Variants in HADHB observed in about 807,000 individuals in gnomAD.
The protein encoded by HADHB is trifunctional enzyme subunit beta, mitochondrial.
In HADHB, 50 loss-of-function variants were observed where a neutral mutation model predicts 61.9. The observed-to-expected ratio is 0.81, with a 90% confidence interval of 0.64 to 1.02. HADHB has a LOEUF of 1.02. HADHB is among the 50% of genes least tolerant of loss of function. The pLI is 0.00. For synonymous variants in HADHB, 191 were observed against 201.6 expected (o/e 0.95, Z 0.45); for missense variants, 504 against 586.5 (o/e 0.86, Z 1.45).
At chr2:26,248,843 G>A (rs1574636960) in intron 1 of HADHB, among the ~76,000 whole-genome samples, 1 of 152,084 alleles carries the variant, frequency 6.6e-6, no homozygotes, top group East Asian at 1.9e-4. Flanking sequence ...GATCACCTGA[G>A]GTCAGGAGTT....
At chr2:26,259,309 T>A (rs1041178735) in intron 3 of HADHB, among the ~76,000 whole-genome samples, 6 of 152,196 alleles carry the variant, frequency 3.9e-5, no homozygotes, top group Admixed American at 1.3e-4. Context: ...GTGGCCAAAG[T>A]GCAGCAGCCC....
At chr2:26,282,251 CTTTT>C (rs67626722) in intron 10 of HADHB, among the ~76,000 whole-genome samples, 10 of 106,864 alleles carry the variant, frequency 9.4e-5, no homozygotes, top group East Asian at 2.5e-4. Context: ...GCAGTTCTTT[CTTTT>C]TTTTTTTTTT....
At chr2:26,266,483 GGGCA>G (rs1672080969) in intron 4 of HADHB, among the ~76,000 whole-genome samples, 1 of 152,076 alleles carries the variant, frequency 6.6e-6, no homozygotes, top group Non-Finnish European at 1.5e-5. Flanking sequence ...TTATGGGTAG[GGGCA>G]TTTGGGAAGC....
In HADHB at chr2:26,273,585, G is replaced by A. The variant is rs1672431636; in HGVS notation, c.255-66G>A. The A allele has an allele frequency of 4.6e-6, 4 of 862,646 alleles. No individual in the cohort carries two copies. In the East Asian group the frequency reaches 9.7e-5, roughly 21 times the overall value. The allele number at this position is 862,646 out of a possible 1,614,324, so 53.4% of individuals were successfully genotyped here. On this transcript the variant is annotated intron_variant, in intron 5 of 15. Coordinates refer to ENST00000317799, the MANE Select transcript of HADHB (RefSeq NM_000183.3). ...CCTTTTTCAAGGAGCGCAGTGTTTT[G>A]TGTGATGATCTCTGGCACTGCCTTG... is the stretch of plus-strand genomic sequence containing the variant.
intron 10 of HADHB, among the ~76,000 whole-genome samples, chr2:26,280,480 A>G (rs1025492413): frequency 3.9e-5 from 6 of 152,230 alleles, no homozygotes; most frequent in Non-Finnish European, 8.8e-5. Flanking sequence ...GGGGACAGTC[A>G]GAGAGTCTTC....
chr2:26,248,344 C>G (rs193213266), intron 1 of HADHB, among the ~76,000 whole-genome samples: 1 of 151,898 alleles, frequency 6.6e-6, no homozygotes, highest in African/African-American at 2.4e-5. Flanking sequence ...TACGGTTTTC[C>G]ACAAATATAA....
chr2:26,271,530 C>T (rs1672348425), intron 5 of HADHB, among the ~76,000 whole-genome samples: 1 of 151,694 alleles, frequency 6.6e-6, no homozygotes, highest in Admixed American at 6.6e-5. Flanking sequence ...TAAAAAACCA[C>T]ACACACACAC....
At chr2:26,262,328 A>G (rs781439788) in intron 3 of HADHB, among the ~76,000 whole-genome samples, 30 of 152,234 alleles carry the variant, frequency 2.0e-4, no homozygotes, top group Non-Finnish European at 3.7e-4. Flanking sequence ...CTAACATGGA[A>G]TGTTCTTCGA....
At chr2:26,277,235 T>TAA in intron 7 of HADHB, 75 bp downstream of exon 7, 1 of 147,842 alleles carries the variant, frequency 6.8e-6, no homozygotes, top group Non-Finnish European at 1.3e-5. Context: ...AAAATGTACT[T>TAA]TTTTTTTTTT....
intron 15 of HADHB, among the ~76,000 whole-genome samples, chr2:26,287,009 GC>G (rs1673063663): frequency 6.6e-6 from 1 of 151,564 alleles, no homozygotes; most frequent in Non-Finnish European, 1.5e-5. Flanking sequence ...TTCGAGACCA[GC>G]CTGGCCAACA....
At chr2:26,276,000 G>A (rs1672520365) in intron 6 of HADHB, among the ~76,000 whole-genome samples, 1 of 152,166 alleles carries the variant, frequency 6.6e-6, no homozygotes, top group Non-Finnish European at 1.5e-5. Context: ...TAAATATTGT[G>A]TGGGTGTGTA....
chr2:26,260,494 T>C (rs1671816810), intron 3 of HADHB: 1 of 156,312 alleles, frequency 6.4e-6, no homozygotes, highest in African/African-American at 2.4e-5. Context: ...GTTTTCTGTC[T>C]GCTCAAATAA....
chr2:26,260,141 G>C (rs1440014347), intron 3 of HADHB, among the ~76,000 whole-genome samples: 1 of 150,032 alleles, frequency 6.7e-6, no homozygotes, highest in Non-Finnish European at 1.5e-5. Flanking sequence ...GAGTGCAGTG[G>C]CATGATCTCA....
chr2:26,274,989 A>G (rs1672486251), intron 6 of HADHB, among the ~76,000 whole-genome samples: 1 of 152,190 alleles, frequency 6.6e-6, no homozygotes. Context: ...TGGAAATTTT[A>G]CATCCATTTG....
chr2:26,259,958 T>A (rs1411804165), intron 3 of HADHB, among the ~76,000 whole-genome samples: 1 of 152,218 alleles, frequency 6.6e-6, no homozygotes, highest in Non-Finnish European at 1.5e-5. Flanking sequence ...TCTTGTTCTA[T>A]TTTGAGAAGT....
intron 1 of HADHB, among the ~76,000 whole-genome samples, chr2:26,251,775 G>A (rs1039323540): frequency 3.3e-5 from 5 of 151,940 alleles, no homozygotes; most frequent in African/African-American, 7.2e-5. Context: ...TTTTCTTTTC[G>A]GAAGCTATAG....
In HADHB at chr2:26,281,964, G is replaced by C. The variant is rs1176985551; in HGVS notation, c.934-881G>C. On this transcript the variant is annotated intron_variant, in intron 10 of 15. Coordinates refer to ENST00000317799, the MANE Select transcript of HADHB (RefSeq NM_000183.3). ...GACGTTTTTTCAGTAGTACTTCTTT[G>C]TCCTCCAGCTTCTCGGTTGTCATTT... is the stretch of plus-strand genomic sequence containing the variant. 2.0e-5 allele frequency among the ~76,000 whole-genome samples: 3 copies of C among 151,806 alleles called. No individual in the cohort carries two copies. The East Asian group carries it at 5.8e-4, about 29-fold the overall frequency.
chr2:26,254,793 A>G (rs1026089705), intron 3 of HADHB: 13 of 318,738 alleles, frequency 4.1e-5, no homozygotes, highest in African/African-American at 2.3e-4. Context: ...TGAATGGCAT[A>G]CAAATGCTCT....
intron 12 of HADHB, 97 bp from the exon 13 acceptor site, chr2:26,284,020 C>CTAA: frequency 1.1e-5 from 8 of 730,738 alleles, no homozygotes; most frequent in Non-Finnish European, 2.0e-5. Flanking sequence ...AGTGAAAAGA[C>CTAA]ATTAGAGTAC....
Sources: allele counts gnomAD v4.1 joint callset (sites outside exome capture counted in the v4.1 genomes callset), GRCh38; gene constraint gnomAD v4.1.1; transcripts MANE v1.5; gene names NCBI Gene and HGNC (gene_info 2026-07-23, HGNC 2026-07-21).